The following LY86 variants were observed in gnomAD, a reference collection of about 807,000 sequenced individuals.
The protein encoded by LY86 is MD-1, RP105-associated.
LY86 carries 20 observed loss-of-function variants against 17.3 expected under a neutral mutation model. The ratio of observed to expected loss-of-function variants is 1.15; its 90% confidence interval spans 0.81 to 1.68. The LOEUF (loss-of-function observed/expected upper bound fraction) is 1.68, where lower values mean the gene tolerates loss of function less well. Among genes scored for constraint, LY86 ranks in the 40% most tolerant of loss-of-function variants. The pLI is 0.00. For missense variants in LY86, 200 were observed against 191.9 expected (o/e 1.04, Z -0.25); for synonymous variants, 74 against 70.6 (o/e 1.05, Z -0.24).
intron 3 of LY86, among the ~76,000 whole-genome samples, chr6:6,643,841 A>G (rs1486607579): frequency 6.6e-6 from 1 of 152,244 alleles, no homozygotes; most frequent in Non-Finnish European, 1.5e-5. Context: ...AATATATACA[A>G]TTTTTATTTG....
chr6:6,614,480 C>T (rs1226584356), intron 1 of LY86, among the ~76,000 whole-genome samples: 3 of 151,950 alleles, frequency 2.0e-5, no homozygotes, highest in Non-Finnish European at 4.4e-5. Context: ...CAGCCCAGGA[C>T]TCCTGCGCAT....
rs553184974 is a variant in LY86, at chr6:6,633,094, T to G, written c.352+6673T>G. ...TCAGGAAGATGAAAGTGAAATAAGT[T>G]AAATAGAGCCAAAATTTGGTTGTAA... On this transcript the variant is annotated intron_variant, in intron 3 of 4. Coordinates refer to ENST00000230568, the MANE Select transcript of LY86 (RefSeq NM_004271.4). Among the ~76,000 whole-genome samples the G allele has an allele frequency of 1.1e-3, 172 of 152,314 alleles. 1 individual carries two copies. Among genetic ancestry groups the G allele is most frequent in the Non-Finnish European group, 3.5e-4 (24 of 68,028 alleles).
chr6:6,607,895 AAAAAAT>A (rs201922995), intron 1 of LY86, among the ~76,000 whole-genome samples: 5,269 of 152,180 alleles, frequency 0.035, 294 homozygotes, highest in African/African-American at 0.12. Flanking sequence ...ACTCCATCTC[AAAAAAT>A]AAAAATAAAA....
intron 1 of LY86, among the ~76,000 whole-genome samples, chr6:6,601,507 G>A (rs1347397035): frequency 6.6e-6 from 1 of 152,180 alleles, no homozygotes; most frequent in East Asian, 1.9e-4. Flanking sequence ...CAGATCACGA[G>A]GTCAGGAGAT....
At chr6:6,607,751 T>G (rs1340990778) in intron 1 of LY86, among the ~76,000 whole-genome samples, 1 of 152,004 alleles carries the variant, frequency 6.6e-6, no homozygotes, top group Non-Finnish European at 1.5e-5. Context: ...AATACAAAAA[T>G]TAGCTGGGCG....
intron 1 of LY86, among the ~76,000 whole-genome samples, chr6:6,618,048 C>G (rs1761594649): frequency 6.6e-6 from 1 of 152,204 alleles, no homozygotes; most frequent in Non-Finnish European, 1.5e-5. Context: ...ACCATGTTGG[C>G]CAGGCTGGTC....
chr6:6,594,515 T>C (rs1367598248), intron 1 of LY86, among the ~76,000 whole-genome samples: 1 of 152,214 alleles, frequency 6.6e-6, no homozygotes, highest in African/African-American at 2.4e-5. Flanking sequence ...CAGAGCGTTA[T>C]AATCATCTGG....
At chr6:6,619,912 G>A (rs191248139) in intron 1 of LY86, among the ~76,000 whole-genome samples, 2 of 152,112 alleles carry the variant, frequency 1.3e-5, no homozygotes, top group Non-Finnish European at 2.9e-5. Context: ...GAGAAAGGGA[G>A]GGGGAGAAAG....
At chr6:6,596,965 G>A (rs911014699) in intron 1 of LY86, among the ~76,000 whole-genome samples, 5 of 152,114 alleles carry the variant, frequency 3.3e-5, no homozygotes, top group African/African-American at 9.7e-5. Context: ...TTTCCCAAAC[G>A]CTGTTCACAG....
At chr6:6,613,647 A>C (rs1761465394) in intron 1 of LY86, among the ~76,000 whole-genome samples, 1 of 152,186 alleles carries the variant, frequency 6.6e-6, no homozygotes, top group Non-Finnish European at 1.5e-5. Flanking sequence ...TCTCCCCGCA[A>C]GCTGAGGGAG....
At chr6:6,653,601 TC>T (rs1424023599) in intron 4 of LY86, among the ~76,000 whole-genome samples, 1 of 152,184 alleles carries the variant, frequency 6.6e-6, no homozygotes, top group Non-Finnish European at 1.5e-5. Context: ...AAGGGAGACC[TC>T]CTTACAGTGT....
intron 1 of LY86, among the ~76,000 whole-genome samples, chr6:6,613,111 C>T (rs1328879848): frequency 6.6e-6 from 1 of 152,250 alleles, no homozygotes; most frequent in Non-Finnish European, 1.5e-5. Flanking sequence ...CATTCACAAA[C>T]CCTGAGCTAG....
intron 1 of LY86, among the ~76,000 whole-genome samples, chr6:6,604,363 GAAA>G (rs544435139): frequency 1.3e-5 from 2 of 151,644 alleles, no homozygotes; most frequent in Admixed American, 6.6e-5. Context: ...CAAAACATGA[GAAA>G]AAAATAGTAT....
chr6:6,636,682 T>C (rs1362892859), intron 3 of LY86, among the ~76,000 whole-genome samples: 1 of 152,136 alleles, frequency 6.6e-6, no homozygotes, highest in African/African-American at 2.4e-5. Context: ...GAGAGTGTCA[T>C]TTGCATCTCT....
chr6:6,653,939 G>C (rs1762223131), intron 4 of LY86, among the ~76,000 whole-genome samples: 1 of 152,162 alleles, frequency 6.6e-6, no homozygotes, highest in Non-Finnish European at 1.5e-5. Context: ...GCTTTTCAGT[G>C]AGGCAGCCAG....
intron 1 of LY86, among the ~76,000 whole-genome samples, chr6:6,599,686 C>T (rs138739962): frequency 5.4e-4 from 82 of 152,312 alleles, no homozygotes; most frequent in African/African-American, 1.9e-3. Flanking sequence ...CACAGGCAGA[C>T]GGGGTTCCCT....
At chr6:6,613,236 C>T (rs907114304) in intron 1 of LY86, among the ~76,000 whole-genome samples, 8 of 152,256 alleles carry the variant, frequency 5.3e-5, no homozygotes, top group Admixed American at 3.3e-4. Context: ...GGCACTAGGG[C>T]CGCAGGTGGA....
rs778797676 is a variant in LY86, at chr6:6,588,878, C to A, written c.136+8C>A. 2 of 1,613,484 alleles carry A rather than the reference C, an allele frequency of 1.2e-6. No homozygotes were observed. The highest frequency in any genetic ancestry group is 2.7e-5 in the African/African-American group (2 of 74,900). On this transcript the variant is annotated splice_region_variant and intron_variant, in intron 1 of 4. Coordinates refer to ENST00000230568, the MANE Select transcript of LY86 (RefSeq NM_004271.4). Reference sequence around the variant, plus strand: ...TGCTCTACCAGAGTTGCGGTAAGCCCTTGCAGTACACCCATGTGTGTTTAT... The same window carrying A: ...TGCTCTACCAGAGTTGCGGTAAGCCATTGCAGTACACCCATGTGTGTTTAT...
At chr6:6,616,973 C>T (rs1319986982) in intron 1 of LY86, among the ~76,000 whole-genome samples, 2 of 152,230 alleles carry the variant, frequency 1.3e-5, no homozygotes, top group East Asian at 1.9e-4. Context: ...AAGCCAGGCT[C>T]TCCCTTAGAA....
Sources: allele counts gnomAD v4.1 joint callset (sites outside exome capture counted in the v4.1 genomes callset), GRCh38; gene constraint gnomAD v4.1.1; transcripts MANE v1.5; gene names NCBI Gene and HGNC (gene_info 2026-07-23, HGNC 2026-07-21).